Variants in FREM2 observed in about 807,000 individuals in gnomAD.
The protein encoded by FREM2 is FRAS1-related extracellular matrix protein 2.
Under a neutral mutation model 219.9 loss-of-function variants are expected in FREM2, and 119 were observed. The observed-to-expected ratio is 0.54, with a 90% CI of 0.47 to 0.63. FREM2 has a LOEUF of 0.63. Among genes scored for constraint, FREM2 ranks in the 30% least tolerant of loss-of-function variants. The probability of loss-of-function intolerance (pLI) is 0.00; values close to 1 mark genes in which losing one functional copy is unlikely to be tolerated. For missense variants in FREM2, 4,030 were observed against 3,993.6 expected (o/e 1.01, Z -0.25); for synonymous variants, 1,562 against 1,522.8 (o/e 1.03, Z -0.60).
chr13:38,757,347 G>A (rs1418756631), intron 2 of FREM2, among the ~76,000 whole-genome samples: 1 of 152,088 alleles, frequency 6.6e-6, no homozygotes, highest in Non-Finnish European at 1.5e-5. Context: ...ATGTAATCTG[G>A]CCGTTGCTTG....
chr13:38,769,899 A>G, intron 4 of FREM2, 91 bp downstream of exon 4: 1 of 921,004 alleles, frequency 1.1e-6, no homozygotes, highest in Non-Finnish European at 1.8e-6. Flanking sequence ...TTTTAAATTC[A>G]ATGTTTGAAA....
intron 11 of FREM2, among the ~76,000 whole-genome samples, chr13:38,855,110 G>A (rs949457498): frequency 2.0e-5 from 3 of 150,958 alleles, no homozygotes; most frequent in Non-Finnish European, 4.4e-5. Context: ...TAGCAATTTT[G>A]AAATGAGTGG....
chr13:38,734,166 C>CG (rs1555264094), intron 2 of FREM2, among the ~76,000 whole-genome samples: 1 of 140,646 alleles, frequency 7.1e-6, no homozygotes, highest in African/African-American at 2.6e-5. Flanking sequence ...TGCACACACA[C>CG]AAAAAAAAAA....
At chr13:38,718,089 AT>A (rs1383009354) in intron 2 of FREM2, among the ~76,000 whole-genome samples, 4 of 152,224 alleles carry the variant, frequency 2.6e-5, no homozygotes, top group Non-Finnish European at 5.9e-5. Context: ...AAAAGACATC[AT>A]TTAACATATA....
At chr13:38,850,822 A>T in intron 9 of FREM2, 122 bp from the exon 10 acceptor site, 7 of 1,086,414 alleles carry the variant, frequency 6.4e-6, no homozygotes, top group Non-Finnish European at 9.8e-6. Context: ...TTGCATGCCA[A>T]ACACTATTTA....
chr13:38,812,100 A>G (rs1022615343), intron 6 of FREM2, among the ~76,000 whole-genome samples: 25 of 152,266 alleles, frequency 1.6e-4, no homozygotes, highest in Non-Finnish European at 2.9e-4. Flanking sequence ...AGTGTCTTAT[A>G]TAAGTATAGC....
intron 2 of FREM2, among the ~76,000 whole-genome samples, chr13:38,731,968 C>T (rs975257859): frequency 6.6e-6 from 1 of 152,156 alleles, no homozygotes; most frequent in Non-Finnish European, 1.5e-5. Flanking sequence ...AAAGATGATT[C>T]TGAATTTTCA....
intron 6 of FREM2, among the ~76,000 whole-genome samples, chr13:38,828,440 G>T (rs1434700851): frequency 6.6e-6 from 1 of 152,092 alleles, no homozygotes; most frequent in Non-Finnish European, 1.5e-5. Flanking sequence ...CAGGCACAGG[G>T]TCTCACCCTA....
chr13:38,766,264 G>C (rs921413727), intron 3 of FREM2, among the ~76,000 whole-genome samples: 6 of 151,904 alleles, frequency 3.9e-5, no homozygotes, highest in African/African-American at 2.4e-5. Flanking sequence ...TCAAACAAGA[G>C]CTCTTTTTGT....
Position 38,784,668 on chromosome 13 carries a change from T to C in FREM2, c.5879T>C (p.Leu1960Pro), listed in dbSNP as rs772958599. Residue 1960 changes from leucine to proline, a missense_variant, in exon 6 of 24, where the codon CTG becomes CCG. Physicochemically the swap from Leu to Pro is moderately conservative, Grantham distance 98. This residue lies in a region of FREM2 where 3,102 missense variants were observed against 2,950.7 expected (regional missense o/e 1.05). Coordinates refer to ENST00000280481, the MANE Select transcript of FREM2 (RefSeq NM_207361.6). ...TTTGACAAAGATGAACGGGAGAAAC[T>C]GTGTCGGATAGTCATAATTGATGAC... Reference protein sequence around the residue: ...VRFDKDEREKLCRIVIIDDSL... With the variant: ...VRFDKDEREKPCRIVIIDDSL... 8.6e-5 allele frequency: 138 copies of C among 1,614,030 alleles called. No individual in the cohort carries two copies. The highest frequency in any genetic ancestry group is 5.1e-4 in the East Asian group (23 of 44,874).
At chr13:38,856,837 T>C (rs998298112) in intron 12 of FREM2, among the ~76,000 whole-genome samples, 2 of 152,022 alleles carry the variant, frequency 1.3e-5, no homozygotes, top group Non-Finnish European at 2.9e-5. Context: ...ACCTTTATAT[T>C]GGAAATAATT....
intron 4 of FREM2, among the ~76,000 whole-genome samples, chr13:38,781,624 A>G (rs1196780493): frequency 2.0e-5 from 3 of 152,212 alleles, no homozygotes; most frequent in South Asian, 4.1e-4. Context: ...ACAAAATCTT[A>G]TATTCACAGA....
chr13:38,728,706 CCTGG>C (rs1871637953), intron 2 of FREM2, among the ~76,000 whole-genome samples: 1 of 152,140 alleles, frequency 6.6e-6, no homozygotes, highest in East Asian at 1.9e-4. Flanking sequence ...ACCACCCGTA[CCTGG>C]CTAACACTGT....
At chr13:38,705,872 T>G (rs1266100674) in intron 2 of FREM2, among the ~76,000 whole-genome samples, 1 of 152,152 alleles carries the variant, frequency 6.6e-6, no homozygotes, top group Non-Finnish European at 1.5e-5. Context: ...ACAGCAGCTG[T>G]CTATACAGTT....
intron 6 of FREM2, among the ~76,000 whole-genome samples, chr13:38,825,037 A>T (rs1425949506): frequency 6.6e-6 from 1 of 152,096 alleles, no homozygotes; most frequent in South Asian, 2.1e-4. Context: ...TCTCACTGAT[A>T]TAATTTTTTC....
intron 11 of FREM2, among the ~76,000 whole-genome samples, chr13:38,853,344 GTTC>G (rs1419267387): frequency 6.8e-6 from 1 of 147,232 alleles, no homozygotes; most frequent in Non-Finnish European, 1.5e-5. Flanking sequence ...AAACAAATCA[GTTC>G]TTCTCTCTCA....
chr13:38,858,066 T>C lies in FREM2; in HGVS notation c.7215+33T>C, dbSNP rs142655036. The C allele has an allele frequency of 1.7e-5, 27 of 1,549,626 alleles. No homozygotes were observed. The Middle Eastern group carries it at 5.0e-4, about 29-fold the overall frequency. ...GGAGATTCACAAAATTGAGGAAAAT[T>C]GTAAGATAATTATTTCAAATAATTA... On this transcript the variant is annotated intron_variant, in intron 13 of 23. Coordinates refer to ENST00000280481, the MANE Select transcript of FREM2 (RefSeq NM_207361.6).
Position 38,691,715 on chromosome 13 carries a change from T to C in FREM2, c.4371T>C (p.Val1457=). The C allele has an allele frequency of 1.2e-6, 2 of 1,613,576 alleles. No homozygotes were observed. Among genetic ancestry groups the C allele is most frequent in the Non-Finnish European group, 1.7e-6 (2 of 1,179,554 alleles). Residue 1457 remains valine (V), a synonymous_variant, in exon 1 of 24, where the codon GTT becomes GTC. Transcript: ENST00000280481. ...TGAACAGTCCTGATGAAAACTTGGT[T>C]TTTACCATCACCAGGGCTCCCATGC... ...SDLNSPDENL[V]FTITRAPMRG...
chr13:38,859,669 A>G, intron 14 of FREM2, 79 bp downstream of exon 14: 1 of 1,266,414 alleles, frequency 7.9e-7, no homozygotes. Flanking sequence ...GGTTATTAAT[A>G]CTTCCAATGT....
Sources: allele counts gnomAD v4.1 joint callset (sites outside exome capture counted in the v4.1 genomes callset), GRCh38; gene constraint gnomAD v4.1.1; regional missense constraint gnomAD v4.1.1; transcripts MANE v1.5; gene names NCBI Gene and HGNC (gene_info 2026-07-23, HGNC 2026-07-21).